Variants in TLR5 observed in about 807,000 individuals in gnomAD.
TLR5 encodes toll-like receptor 5.
For synonymous variants in TLR5, 373 were observed against 384.4 expected (o/e 0.97, Z 0.35); for missense variants, 944 against 999.8 (o/e 0.94, Z 0.75).
At chr1:223,121,487 C>A (rs116022408) in intron 5 of TLR5, among the ~76,000 whole-genome samples, 1 of 152,184 alleles carries the variant, frequency 6.6e-6, no homozygotes, top group African/African-American at 2.4e-5. Flanking sequence ...AGGAATTCTG[C>A]GAATCCTATG....
intron 3 of TLR5, among the ~76,000 whole-genome samples, chr1:223,135,757 C>G (rs985256447): frequency 6.6e-6 from 1 of 152,092 alleles, no homozygotes; most frequent in African/African-American, 2.4e-5. Context: ...GCTGTTACAC[C>G]GGATCTTGAA....
chr1:223,118,841 C>A (rs542363374), intron 5 of TLR5, among the ~76,000 whole-genome samples: 1 of 152,058 alleles, frequency 6.6e-6, no homozygotes, highest in East Asian at 1.9e-4. Context: ...CGGTGGCTCA[C>A]GCCTGTAACC....
intron 5 of TLR5, among the ~76,000 whole-genome samples, chr1:223,115,624 T>C (rs1462097822): frequency 1.5e-5 from 2 of 134,772 alleles, no homozygotes. Flanking sequence ...GGAGCTTACA[T>C]TCTGGTGGAC....
chr1:223,139,031 C>T (rs932929745), intron 2 of TLR5, among the ~76,000 whole-genome samples: 3 of 152,240 alleles, frequency 2.0e-5, no homozygotes, highest in African/African-American at 7.2e-5. Context: ...TGTGACTTTG[C>T]TCCCCCTTGC....
chr1:223,140,581 A>T (rs1219449378), intron 2 of TLR5, among the ~76,000 whole-genome samples: 1 of 150,878 alleles, frequency 6.6e-6, no homozygotes, highest in African/African-American at 2.4e-5. Flanking sequence ...AGAATGCTAT[A>T]AGAAGGGCAT....
chr1:223,141,784 CATAT>C (rs142700046), intron 1 of TLR5, 21 bp from the exon 2 acceptor site: 2,179 of 74,676 alleles, frequency 0.029, 44 homozygotes, highest in Non-Finnish European at 0.039. Flanking sequence ...AAAAAAATTA[CATAT>C]ATATATATAT....
At chr1:223,113,090 C>G in intron 5 of TLR5, 55 bp from the exon 6 acceptor site, 1 of 1,550,830 alleles carries the variant, frequency 6.4e-7, no homozygotes, top group Non-Finnish European at 8.9e-7. Context: ...AGGTATTGCA[C>G]TGGGGTCTTC....
intron 5 of TLR5, among the ~76,000 whole-genome samples, chr1:223,116,385 T>C (rs756190179): frequency 1.3e-5 from 2 of 152,024 alleles, no homozygotes; most frequent in Non-Finnish European, 2.9e-5. Context: ...GCTCTTAAGG[T>C]GGCGCGTCTG....
intron 2 of TLR5, among the ~76,000 whole-genome samples, chr1:223,137,487 T>G (rs1242554949): frequency 1.3e-5 from 2 of 152,188 alleles, no homozygotes; most frequent in Non-Finnish European, 2.9e-5. Context: ...AATGCCTGAC[T>G]AGCACTATTA....
In TLR5 at chr1:223,115,412, G is replaced by A. The variant is rs867651669; in HGVS notation, c.-4-2377C>T. ...TTAGAAATGTGTGCCAGCACGCCCA[G>A]CTAATTTTTGTATTTTTAGTAGAGA... On this transcript the variant is annotated intron_variant, in intron 5 of 5. Coordinates refer to ENST00000642603, the MANE Select transcript of TLR5 (RefSeq NM_003268.6). 2.6e-4 allele frequency among the ~76,000 whole-genome samples: 39 copies of A among 152,162 alleles called. 1 individual carries two copies. Among genetic ancestry groups the A allele is most frequent in the African/African-American group, 9.4e-4 (39 of 41,440 alleles).
rs1656302862 is a variant in TLR5 at position 223,111,083 on chromosome 1, A to T, written c.1949T>A (p.Leu650Gln). 1.9e-6 allele frequency: 3 copies of T among 1,614,132 alleles called. No homozygotes were observed. The highest frequency in any genetic ancestry group is 2.5e-6 in the Non-Finnish European group (3 of 1,180,056). ...FSLFIVCTVT[L>Q]TLFLMTILTV... is the part of the protein sequence containing the mutation. Reference sequence around the variant, plus strand: ...GAGGATGGTCATGAGGAACAGAGTCAGAGTGACAGTGCATACAATGAAAAG... The same window carrying T: ...GAGGATGGTCATGAGGAACAGAGTCTGAGTGACAGTGCATACAATGAAAAG... Residue 650 changes from leucine to glutamine, a missense_variant, in exon 6 of 6, where the codon CTG becomes CAG. Transcript: ENST00000642603.
At chr1:223,120,049 C>T (rs1656884446) in intron 5 of TLR5, among the ~76,000 whole-genome samples, 2 of 141,958 alleles carry the variant, frequency 1.4e-5, no homozygotes, top group Admixed American at 6.9e-5. Flanking sequence ...ATAGCAGGAC[C>T]TGAAAGAAAT....
chr1:223,116,223 C>A (rs1296273656), intron 5 of TLR5, among the ~76,000 whole-genome samples: 2 of 152,104 alleles, frequency 1.3e-5, no homozygotes, highest in Admixed American at 1.3e-4. Context: ...AGTCGTGGAC[C>A]CTCACGGTGA....
chr1:223,119,103 CAAAA>C (rs1656816027), intron 5 of TLR5, among the ~76,000 whole-genome samples: 1 of 151,914 alleles, frequency 6.6e-6, no homozygotes, highest in Admixed American at 6.6e-5. Flanking sequence ...GACTCCATCT[CAAAA>C]GAAAAGAAAA....
intron 5 of TLR5, among the ~76,000 whole-genome samples, chr1:223,117,334 C>CA (rs1024569118): frequency 3.3e-5 from 5 of 151,954 alleles, no homozygotes; most frequent in Non-Finnish European, 7.4e-5. Flanking sequence ...CACCTCCCAG[C>CA]AAGCAGAGGG....
In TLR5 at chr1:223,110,746, G is replaced by A. The variant is rs184754321; in HGVS notation, c.2286C>T (p.Phe762=). Residue 762 remains phenylalanine, a synonymous_variant, in exon 6 of 6, where the codon TTC becomes TTT. Transcript: ENST00000642603. The part of the protein sequence containing the change: ...RKIVCLVSRH[F]LRDGWCLEAF... ...CTTCAAGGCACCAGCCATCTCTAAG[G>A]AAGTGTCTGCTCACAAGACAAACGA... is the stretch of plus-strand genomic sequence containing the variant. 1.2e-6 allele frequency: 2 copies of A among 1,614,194 alleles called. No homozygotes were observed. The highest frequency in any genetic ancestry group is 2.2e-5 in the East Asian group (1 of 44,884).
At position 223,114,741 on chromosome 1, in the gene TLR5, G is replaced by A. The variant is rs960828812; in HGVS notation, c.-4-1706C>T. Among the ~76,000 whole-genome samples the A allele has an allele frequency of 2.6e-5, 4 of 152,266 alleles. No homozygotes were observed. The South Asian group carries it at 6.2e-4, about 24-fold the overall frequency. Reference sequence around the variant, plus strand: ...TTTCAAACTCAGGCATCTAATAATCGTTAGGAAAAACTTGGTGAGAATGTT... The same window carrying A: ...TTTCAAACTCAGGCATCTAATAATCATTAGGAAAAACTTGGTGAGAATGTT... On this transcript the variant is annotated intron_variant, in intron 5 of 5. Transcript: ENST00000642603.
chr1:223,116,448 G>A (rs1472417510), intron 5 of TLR5, among the ~76,000 whole-genome samples: 8 of 152,148 alleles, frequency 5.3e-5, no homozygotes. Flanking sequence ...GTGGGTTCAT[G>A]GTCTTGCTGG....
chr1:223,113,330 T>C (rs1016019469), intron 5 of TLR5, among the ~76,000 whole-genome samples: 1 of 152,114 alleles, frequency 6.6e-6, no homozygotes, highest in Admixed American at 6.5e-5. Flanking sequence ...CTCAGCCTCC[T>C]GATTAGCTGG....
Sources: gnomAD v4.1 joint callset for allele counts (sites outside exome capture counted in the v4.1 genomes callset) on GRCh38, gnomAD v4.1.1 for gene constraint, MANE v1.5 for transcripts, NCBI Gene and HGNC (gene_info 2026-07-23, HGNC 2026-07-21) for gene names.